Variants in PPP2R2B observed in about 807,000 individuals in gnomAD.
The protein encoded by PPP2R2B is protein phosphatase 2 regulatory subunit Bbeta, also known as serine/threonine-protein phosphatase 2A 55 kDa regulatory subunit B beta isoform.
Under a neutral mutation model 46.0 loss-of-function variants are expected in PPP2R2B, and 5 were observed. The observed-to-expected ratio is 0.11, with a 90% CI of 0.06 to 0.23. PPP2R2B has a LOEUF of 0.23. Among genes scored for constraint, PPP2R2B ranks in the 10% least tolerant of loss-of-function variants. The probability of loss-of-function intolerance (pLI) is 1.00; values close to 1 mark genes in which losing one functional copy is unlikely to be tolerated. For synonymous variants in PPP2R2B, 215 were observed against 206.7 expected (o/e 1.04, Z -0.34); for missense variants, 367 against 575.0 (o/e 0.64, Z 3.70).
At chr5:146,599,800 C>T (rs1263392983) in intron 8 of PPP2R2B, among the ~76,000 whole-genome samples, 1 of 152,154 alleles carries the variant, frequency 6.6e-6, no homozygotes, top group Non-Finnish European at 1.5e-5. Flanking sequence ...CCTCCCTGAG[C>T]CCCCCACCCT....
intron 7 of PPP2R2B, among the ~76,000 whole-genome samples, chr5:146,636,472 C>A (rs1011635938): frequency 1.3e-5 from 2 of 152,178 alleles, no homozygotes; most frequent in Non-Finnish European, 2.9e-5. Context: ...CTGTTGTGGT[C>A]AGCACCTCCC....
At chr5:146,642,982 G>C (rs115109511) in intron 6 of PPP2R2B, among the ~76,000 whole-genome samples, 1,555 of 152,294 alleles carry the variant, frequency 0.01, 14 homozygotes, top group Non-Finnish European at 0.017. Flanking sequence ...GATTGAGCCT[G>C]GGAGGTTGAG....
chr5:146,900,084 G>A (rs1007533581), intron 1 of PPP2R2B, among the ~76,000 whole-genome samples: 1 of 152,170 alleles, frequency 6.6e-6, no homozygotes, highest in African/African-American at 2.4e-5. Context: ...TGACTGAATG[G>A]CTGGGGCTGG....
chr5:146,964,569 A>G (rs1441297176), intron 1 of PPP2R2B, among the ~76,000 whole-genome samples: 1 of 152,028 alleles, frequency 6.6e-6, no homozygotes, highest in Non-Finnish European at 1.5e-5. Context: ...TCTGTCACCC[A>G]GACTGGAGTG....
chr5:146,819,975 C>A (rs1311450772), intron 2 of PPP2R2B, among the ~76,000 whole-genome samples: 1 of 152,110 alleles, frequency 6.6e-6, no homozygotes, highest in Non-Finnish European at 1.5e-5. Flanking sequence ...TACAGAAAGA[C>A]AAATAGGCAC....
intron 7 of PPP2R2B, among the ~76,000 whole-genome samples, chr5:146,636,635 GT>G (rs1295715830): frequency 2.0e-5 from 3 of 152,144 alleles, no homozygotes; most frequent in African/African-American, 7.2e-5. Flanking sequence ...ACTGTATTTG[GT>G]GGAACAGCTT....
intron 1 of PPP2R2B, among the ~76,000 whole-genome samples, chr5:146,916,133 G>T (rs897420337): frequency 6.6e-6 from 1 of 151,966 alleles, no homozygotes; most frequent in South Asian, 2.1e-4. Context: ...TCTGACCCAC[G>T]GTTTGTACTT....
intron 7 of PPP2R2B, among the ~76,000 whole-genome samples, chr5:146,634,758 TA>T (rs1227709233): frequency 7.0e-6 from 1 of 141,882 alleles, no homozygotes; most frequent in Non-Finnish European, 1.5e-5. Context: ...ATAAATCTCT[TA>T]ACTTACACAC....
At chr5:146,917,431 G>C (rs1055671130) in intron 1 of PPP2R2B, among the ~76,000 whole-genome samples, 2 of 152,174 alleles carry the variant, frequency 1.3e-5, no homozygotes, top group Non-Finnish European at 2.9e-5. Context: ...GTCATTCCTT[G>C]TACAGCATTA....
chr5:147,048,192 G>GT (rs1004859916), intron 1 of PPP2R2B, among the ~76,000 whole-genome samples: 44 of 152,216 alleles, frequency 2.9e-4, no homozygotes, highest in African/African-American at 1.1e-3. Context: ...ATAGATGAGT[G>GT]TTTTTTATCT....
At chr5:146,913,989 T>C (rs754924528) in intron 1 of PPP2R2B, among the ~76,000 whole-genome samples, 49 of 152,288 alleles carry the variant, frequency 3.2e-4, no homozygotes, top group Admixed American at 1.5e-3. Flanking sequence ...CAAAATGACA[T>C]ATGGTGGAGA....
At chr5:146,683,284 A>G (rs1299564679) in intron 5 of PPP2R2B, among the ~76,000 whole-genome samples, 1 of 152,138 alleles carries the variant, frequency 6.6e-6, no homozygotes, top group Non-Finnish European at 1.5e-5. Context: ...CTGCTTACTC[A>G]TATGTGTTTT....
intron 1 of PPP2R2B, among the ~76,000 whole-genome samples, chr5:146,898,044 G>T (rs1762703150): frequency 6.6e-6 from 1 of 152,172 alleles, no homozygotes. Context: ...AATTAGCCGG[G>T]TGTGGTGGCA....
chr5:146,732,578 C>T (rs1752297069), intron 2 of PPP2R2B, among the ~76,000 whole-genome samples: 1 of 152,130 alleles, frequency 6.6e-6, no homozygotes, highest in South Asian at 2.1e-4. Flanking sequence ...TGAAACCATG[C>T]TCATGGTAAA....
intron 1 of PPP2R2B, among the ~76,000 whole-genome samples, chr5:147,011,468 T>C (rs999181018): frequency 6.6e-6 from 1 of 152,160 alleles, no homozygotes. Context: ...ACAAAATTAT[T>C]GAAAGTATTA....
At chr5:146,803,188 A>C (rs1419203994) in intron 2 of PPP2R2B, among the ~76,000 whole-genome samples, 1 of 152,122 alleles carries the variant, frequency 6.6e-6, no homozygotes, top group East Asian at 1.9e-4. Flanking sequence ...AAATTAGAAC[A>C]CTTTTTAAGT....
chr5:146,662,781 A>G (rs900143827), intron 5 of PPP2R2B, among the ~76,000 whole-genome samples: 4 of 152,118 alleles, frequency 2.6e-5, no homozygotes, highest in Non-Finnish European at 5.9e-5. Flanking sequence ...TATGGAAGAT[A>G]AAAATGACAG....
At chr5:146,826,553 C>A (rs751563333) in intron 2 of PPP2R2B, among the ~76,000 whole-genome samples, 7 of 152,180 alleles carry the variant, frequency 4.6e-5, no homozygotes, top group Non-Finnish European at 7.4e-5. Flanking sequence ...CACAAGAACA[C>A]TAACTTACCA....
chr5:146,673,372 G>T (rs1311949253), intron 5 of PPP2R2B, among the ~76,000 whole-genome samples: 2 of 152,152 alleles, frequency 1.3e-5, no homozygotes, highest in Non-Finnish European at 2.9e-5. Flanking sequence ...ATGAACTTGT[G>T]CTGGAAGAAA....
Sources: allele counts gnomAD v4.1 joint callset (sites outside exome capture counted in the v4.1 genomes callset), GRCh38; gene constraint gnomAD v4.1.1; transcripts MANE v1.5; gene names NCBI Gene and HGNC (gene_info 2026-07-23, HGNC 2026-07-21).